Variants in MED15 observed in about 807,000 individuals in gnomAD.
MED15 encodes the protein mediator of RNA polymerase II transcription subunit 15.
Under a neutral mutation model 118.7 loss-of-function variants are expected in MED15, and 41 were observed. The observed-to-expected ratio is 0.35, with a 90% CI of 0.27 to 0.45. The LOEUF (loss-of-function observed/expected upper bound fraction) is 0.45, where lower values mean the gene tolerates loss of function less well. Ranked by LOEUF, MED15 falls within the 20% of genes least tolerant of loss-of-function variation. The probability of loss-of-function intolerance (pLI) is 1.00; values close to 1 mark genes in which losing one functional copy is unlikely to be tolerated. For synonymous variants in MED15, 436 were observed against 413.9 expected, an observed-to-expected ratio of 1.05 and a Z score of -0.65; for missense variants, 740 against 1,025.5, an observed-to-expected ratio of 0.72 and a Z score of 3.80.
chr22:20,521,870 C>T (rs912776894), intron 1 of MED15, among the ~76,000 whole-genome samples: 3 of 151,906 alleles, frequency 2.0e-5, no homozygotes, highest in Admixed American at 6.6e-5. Flanking sequence ...GGACTACAGG[C>T]GTGCACCACC....
chr22:20,519,893 C>T (rs2054386955), intron 1 of MED15, among the ~76,000 whole-genome samples: 1 of 152,222 alleles, frequency 6.6e-6, no homozygotes, highest in South Asian at 2.1e-4. Context: ...GGGCCTCCTC[C>T]TTCTGGGCTT....
intron 1 of MED15, among the ~76,000 whole-genome samples, chr22:20,514,175 CTT>C: frequency 6.6e-6 from 1 of 152,122 alleles, no homozygotes; most frequent in East Asian, 1.9e-4. Context: ...TTTGTTGACT[CTT>C]TATTGAACAT....
In MED15 at chr22:20,558,052, G is replaced by A. The variant is rs181457447; in HGVS notation, c.451+2904G>A. ...ACCTGGGAGGCGGAGCTTGCAGGGG[G>A]CGAGATCGTGCCACTGCACTCCAGC... On this transcript the variant is annotated intron_variant, in intron 5 of 17. Coordinates refer to ENST00000263205, the MANE Select transcript of MED15 (RefSeq NM_001003891.3). 4.9e-3 allele frequency among the ~76,000 whole-genome samples: 739 copies of A among 152,270 alleles called. 6 individuals are homozygous for A. The highest frequency in any genetic ancestry group is 0.01 in the Middle Eastern group (3 of 294).
intron 5 of MED15, among the ~76,000 whole-genome samples, chr22:20,557,828 T>C (rs2056077982): frequency 6.6e-6 from 1 of 152,164 alleles, no homozygotes; most frequent in Non-Finnish European, 1.5e-5. Flanking sequence ...CAGTGGGGGC[T>C]GGGCACGGTG....
chr22:20,575,309 C>G, intron 9 of MED15, 77 bp downstream of exon 9: 3 of 1,522,784 alleles, frequency 2.0e-6, no homozygotes, highest in Non-Finnish European at 2.6e-6. Context: ...GCGCACCTGT[C>G]ATTATCATCG....
At chr22:20,537,259 T>C in intron 2 of MED15, 55 bp downstream of exon 2, 1 of 1,479,596 alleles carries the variant, frequency 6.8e-7, no homozygotes, top group Non-Finnish European at 9.4e-7. Context: ...GAGGAGAGCA[T>C]CACAGACTCT....
rs181212514 is a variant in MED15 at position 20,586,997 on chromosome 22, C to T, written c.*293C>T. On this transcript the variant is annotated 3_prime_UTR_variant, in exon 18 of 18. Transcript: ENST00000263205. ...TCAGGCTGCTCTCACCGTGGCCTGTCCACGGTCCAGGTCCATCTCAGCAGC... is the reference window on the plus strand; with the variant it reads ...TCAGGCTGCTCTCACCGTGGCCTGTTCACGGTCCAGGTCCATCTCAGCAGC... 4.0e-6 allele frequency: 2 copies of T among 501,476 alleles called. No homozygotes were observed. The highest frequency in any genetic ancestry group is 3.2e-5 in the Admixed American group (1 of 31,210). The allele number at this position is 501,476 out of a possible 1,614,324, so 31.1% of individuals were successfully genotyped here.
intron 1 of MED15, among the ~76,000 whole-genome samples, chr22:20,512,320 C>T (rs1048750082): frequency 6.6e-6 from 1 of 151,878 alleles, no homozygotes; most frequent in Non-Finnish European, 1.5e-5. Context: ...AATTTATTAT[C>T]AAGTGTTTAA....
rs766956195 is a variant in MED15, at chr22:20,586,733, C to T, written c.*29C>T. 25 of 1,609,670 alleles carry T rather than the reference C, an allele frequency of 1.6e-5. No homozygotes were observed. Among genetic ancestry groups the T allele is most frequent in the South Asian group, 1.3e-4 (12 of 91,008 alleles). ...AGACTGCAGGGATGGCCCGCAGCCT[C>T]ATCGGGGCCAAGGACACACGCCTCC... On this transcript the variant is annotated 3_prime_UTR_variant, in exon 18 of 18. Coordinates refer to ENST00000263205, the MANE Select transcript of MED15 (RefSeq NM_001003891.3).
chr22:20,557,754 C>A (rs951676578), intron 5 of MED15, among the ~76,000 whole-genome samples: 1 of 152,206 alleles, frequency 6.6e-6, no homozygotes, highest in Non-Finnish European at 1.5e-5. Context: ...CTGGCCTTGG[C>A]CCCCACATCC....
At chr22:20,554,769 A>G in intron 4 of MED15, 167 bp from the exon 5 acceptor site, 3 of 631,006 alleles carry the variant, frequency 4.8e-6, no homozygotes, top group East Asian at 2.8e-5. Context: ...CGTCCTAGCC[A>G]TTCATATTTG....
At chr22:20,585,642 G>C (rs2057111792) in intron 16 of MED15, 86 bp from the exon 17 acceptor site, 1 of 1,250,974 alleles carries the variant, frequency 8.0e-7, no homozygotes, top group Admixed American at 1.8e-5. Flanking sequence ...ACCTCCCTGG[G>C]TGTGGAGTCC....
Position 20,582,703 on chromosome 22 carries a change from C to T in MED15, c.1365C>T (p.Ser455=), listed in dbSNP as rs1279761643. The T allele has an allele frequency of 1.3e-6, 2 of 1,596,904 alleles. No individual in the cohort carries two copies. Among genetic ancestry groups the T allele is most frequent in the African/African-American group, 1.3e-5 (1 of 74,806 alleles). ...PQSMPPPPQP[S]PQPGQPSSQP... is the part of the protein sequence containing the mutation. ...CGATGCCCCCTCCCCCCCAGCCGTC[C>T]CCGCAGCCCGGCCAGCCCAGCTCAC... Residue 455 remains serine, a synonymous_variant, in exon 10 of 18, where the codon TCC becomes TCT. Transcript: ENST00000263205.
chr22:20,580,760 G>T (rs1328215027), intron 9 of MED15, among the ~76,000 whole-genome samples: 2 of 152,230 alleles, frequency 1.3e-5, no homozygotes, highest in African/African-American at 4.8e-5. Context: ...TTCAGCTAGG[G>T]CTCTGTGCAC....
At position 20,512,054 on chromosome 22, in the gene MED15, T is replaced by C. The variant is rs557510213; in HGVS notation, c.68+4308T>C. On this transcript the variant is annotated intron_variant, in intron 1 of 17. Transcript: ENST00000263205. ...CCCAGGTTAGAGTGCAGTGGTACGATGATAGCTCACTGCAGCCTTGACCTC... is the reference window on the plus strand; with the variant it reads ...CCCAGGTTAGAGTGCAGTGGTACGACGATAGCTCACTGCAGCCTTGACCTC... Among the ~76,000 whole-genome samples the C allele has an allele frequency of 2.1e-5, 3 of 144,674 alleles. No individual in the cohort carries two copies. In the South Asian group the frequency reaches 6.5e-4, roughly 32 times the overall value. 94.9% of individuals were successfully genotyped at this position (144,674 alleles called of 152,430 possible). A position where few individuals can be genotyped will look rare whatever the true frequency, so the allele number is the denominator to read the frequency against.
chr22:20,572,624 A>G (rs1366149669), intron 8 of MED15, among the ~76,000 whole-genome samples: 1 of 127,314 alleles, frequency 7.9e-6, no homozygotes, highest in Non-Finnish European at 1.7e-5. Context: ...TTTCTCCCCT[A>G]TAAAACCAAG....
At position 20,583,310 on chromosome 22, in the gene MED15, T is replaced by A. The variant is rs777399304; in HGVS notation, c.1673-20T>A. Reference sequence around the variant, plus strand: ...ACACCACCAGGCTTGTGTCTTAGTGTGTACCCTCTTCTGTCCCAGACAGAA... The same window carrying A: ...ACACCACCAGGCTTGTGTCTTAGTGAGTACCCTCTTCTGTCCCAGACAGAA... On this transcript the variant is annotated intron_variant, in intron 12 of 17. Transcript: ENST00000263205. The A allele has an allele frequency of 3.4e-5, 55 of 1,613,552 alleles. No individual in the cohort carries two copies. Among genetic ancestry groups the A allele is most frequent in the Non-Finnish European group, 4.7e-5 (55 of 1,179,968 alleles).
At chr22:20,550,323 C>A (rs2055719158) in intron 2 of MED15, among the ~76,000 whole-genome samples, 1 of 152,210 alleles carries the variant, frequency 6.6e-6, no homozygotes, top group Non-Finnish European at 1.5e-5. Context: ...CCAGGCCTCG[C>A]TGCTTATCCC....
chr22:20,569,762 A>G (rs1648968604), intron 8 of MED15, among the ~76,000 whole-genome samples: 1 of 152,092 alleles, frequency 6.6e-6, no homozygotes, highest in Non-Finnish European at 1.5e-5. Context: ...TATGAAACAC[A>G]CCACAGAACT....
Sources: gnomAD v4.1 joint callset for allele counts (sites outside exome capture counted in the v4.1 genomes callset) on GRCh38, gnomAD v4.1.1 for gene constraint, MANE v1.5 for transcripts, NCBI Gene and HGNC (gene_info 2026-07-23, HGNC 2026-07-21) for gene names.